Variants in NCKAP5 observed in about 807,000 individuals in gnomAD.
NCKAP5 encodes the protein NCK associated protein 5, also known as nck-associated protein 5.
In NCKAP5, 92 loss-of-function variants were observed where a neutral mutation model predicts 167.0. The observed-to-expected ratio is 0.55, with a 90% CI of 0.47 to 0.66. The LOEUF (loss-of-function observed/expected upper bound fraction) is 0.66. Among genes scored for constraint, NCKAP5 ranks in the 30% least tolerant of loss-of-function variants. The probability of loss-of-function intolerance (pLI) is 0.00; values close to 1 mark genes in which losing one functional copy is unlikely to be tolerated. For missense variants in NCKAP5, 2,378 were observed against 2,315.0 expected (o/e 1.03, Z -0.56); for synonymous variants, 891 against 877.4 (o/e 1.02, Z -0.27).
the NCKAP5 span, among the ~76,000 whole-genome samples, chr2:133,642,299 C>T: frequency 1.3e-5 from 2 of 152,162 alleles, no homozygotes; most frequent in Admixed American, 6.5e-5. Flanking sequence ...CAATACTGCA[C>T]ACTGGAGATC....
At chr2:132,767,524 G>A (rs1458563127) in intron 16 of NCKAP5, among the ~76,000 whole-genome samples, 2 of 152,246 alleles carry the variant, frequency 1.3e-5, no homozygotes, top group Admixed American at 6.5e-5. Flanking sequence ...GATTACAGGC[G>A]TGAGCCACCG....
chr2:132,780,948 G>T (rs1285514466), intron 15 of NCKAP5, 104 bp downstream of exon 15: 2 of 1,151,196 alleles, frequency 1.7e-6, no homozygotes, highest in African/African-American at 3.2e-5. Context: ...CTTTCCCCCA[G>T]TTGCAATCTC....
At chr2:133,295,218 G>A in intron 4 of NCKAP5, among the ~76,000 whole-genome samples, 1 of 152,052 alleles carries the variant, frequency 6.6e-6, no homozygotes, top group Non-Finnish European at 1.5e-5. Flanking sequence ...TGAAGCAGGT[G>A]GTACAAGTCA....
In NCKAP5 at chr2:133,213,681, T is replaced by A. The variant is rs765337997; in HGVS notation, c.207+35A>T. 2.5e-6 allele frequency: 4 copies of A among 1,608,270 alleles called. No individual in the cohort carries two copies. The East Asian group carries it at 6.7e-5, about 27-fold the overall frequency. ...AGCTTTCAAGCCAGAGACCTCTGGA[T>A]GTTGTGGAATGAGGGGACGGCAGTC... On this transcript the variant is annotated intron_variant, in intron 5 of 19. Transcript: ENST00000409261.
intron 11 of NCKAP5, among the ~76,000 whole-genome samples, chr2:132,812,356 T>C (rs183854023): frequency 2.2e-4 from 33 of 152,334 alleles, no homozygotes; most frequent in African/African-American, 7.7e-4. Context: ...GTAGAAACTA[T>C]TATCAACTCC....
chr2:133,654,097 T>A, the NCKAP5 span, among the ~76,000 whole-genome samples: 2 of 152,090 alleles, frequency 1.3e-5, no homozygotes, highest in Non-Finnish European at 2.9e-5. Flanking sequence ...TTCAATAAAT[T>A]CCTCAGCTGG....
chr2:133,591,894 T>C, the NCKAP5 span, among the ~76,000 whole-genome samples: 1 of 152,016 alleles, frequency 6.6e-6, no homozygotes. Context: ...TACAGAAGAG[T>C]ATAAGGCAAA....
chr2:133,109,460 G>A (rs545609774), intron 6 of NCKAP5, among the ~76,000 whole-genome samples: 1 of 152,262 alleles, frequency 6.6e-6, no homozygotes, highest in East Asian at 1.9e-4. Context: ...GCTTGCAAAT[G>A]TAAAGAGATC....
At chr2:133,303,765 G>A (rs1041010537) in intron 3 of NCKAP5, among the ~76,000 whole-genome samples, 7 of 151,808 alleles carry the variant, frequency 4.6e-5, no homozygotes, top group Admixed American at 2.0e-4. Context: ...TTCCTGAAAT[G>A]TATCTGAAAA....
rs188903279 is a variant in NCKAP5 at position 132,721,030 on chromosome 2, C to T, written c.5713+4597G>A. The stretch of plus-strand genomic sequence containing the variant: ...CTCCATCTCAAAAAAAAAAAAAATG[C>T]TGTGCACAGTAGCTCATGCCTGTAT... On this transcript the variant is annotated intron_variant, in intron 19 of 19. Coordinates refer to ENST00000409261, the MANE Select transcript of NCKAP5 (RefSeq NM_207363.3). 6.6e-3 allele frequency among the ~76,000 whole-genome samples: 925 copies of T among 139,922 alleles called. 13 individuals carry two copies. The highest frequency in any genetic ancestry group is 0.024 in the African/African-American group (867 of 36,558). The allele number at this position is 139,922 out of a possible 152,430, so 91.8% of individuals were successfully genotyped here.
intron 8 of NCKAP5, among the ~76,000 whole-genome samples, chr2:132,955,534 C>T (rs879136478): frequency 1.3e-5 from 2 of 152,310 alleles, no homozygotes; most frequent in East Asian, 1.9e-4. Flanking sequence ...ATATGTGCCA[C>T]ATTTTCTTTA....
intron 4 of NCKAP5, among the ~76,000 whole-genome samples, chr2:133,289,727 A>AGCAAC (rs1679431751): frequency 1.3e-5 from 2 of 150,784 alleles, no homozygotes; most frequent in South Asian, 4.2e-4. Flanking sequence ...ACAAACAAAC[A>AGCAAC]AAAAAAAACA....
At chr2:132,691,561 T>C (rs1438817056) in intron 19 of NCKAP5, among the ~76,000 whole-genome samples, 2 of 152,180 alleles carry the variant, frequency 1.3e-5, no homozygotes, top group South Asian at 4.1e-4. Flanking sequence ...AGTGTTTCAC[T>C]TCATTCAAAC....
chr2:133,455,157 A>AAC, intron 3 of NCKAP5, among the ~76,000 whole-genome samples: 1 of 152,080 alleles, frequency 6.6e-6, no homozygotes, highest in African/African-American at 2.4e-5. Context: ...ATTTACAGAG[A>AAC]TAGTCAAAGA....
At chr2:133,372,701 G>A (rs1021808505) in intron 3 of NCKAP5, among the ~76,000 whole-genome samples, 2 of 152,188 alleles carry the variant, frequency 1.3e-5, no homozygotes, top group African/African-American at 4.8e-5. Flanking sequence ...CTGTATAGTG[G>A]TAGATTTTAG....
the NCKAP5 span, among the ~76,000 whole-genome samples, chr2:133,606,619 G>A: frequency 1.3e-5 from 2 of 152,048 alleles, no homozygotes; most frequent in Non-Finnish European, 2.9e-5. Flanking sequence ...GGAGAACTGG[G>A]CTCATAGAGC....
intron 2 of NCKAP5, among the ~76,000 whole-genome samples, chr2:133,536,021 T>C (rs972928646): frequency 1.3e-5 from 2 of 152,204 alleles, no homozygotes; most frequent in African/African-American, 4.8e-5. Context: ...GAGTTCCTTG[T>C]AGACTCTGGA....
chr2:133,148,496 A>C (rs188290162), intron 5 of NCKAP5, among the ~76,000 whole-genome samples: 1 of 152,162 alleles, frequency 6.6e-6, no homozygotes, highest in Non-Finnish European at 1.5e-5. Context: ...CAGAGTGACC[A>C]TCTTACCCAG....
chr2:132,693,600 C>T (rs1250917808), intron 19 of NCKAP5, among the ~76,000 whole-genome samples: 2 of 58,992 alleles, frequency 3.4e-5, no homozygotes, highest in Non-Finnish European at 1.1e-4. Flanking sequence ...GAAAGAATAC[C>T]CCGAATACCC....
Sources: gnomAD v4.1 joint callset for allele counts (sites outside exome capture counted in the v4.1 genomes callset) on GRCh38, gnomAD v4.1.1 for gene constraint, MANE v1.5 for transcripts, NCBI Gene and HGNC (gene_info 2026-07-23, HGNC 2026-07-21) for gene names.